ARRB1: variants seen among roughly 807,000 people sequenced by gnomAD.
The protein encoded by ARRB1 is beta-arrestin-1.
A neutral mutation model predicts 56.8 loss-of-function variants in ARRB1; 21 were observed. The observed-to-expected ratio is 0.37, with a 90% CI of 0.26 to 0.53. The LOEUF (loss-of-function observed/expected upper bound fraction) is 0.53. Ranked by LOEUF, ARRB1 falls within the 20% of genes least tolerant of loss-of-function variation. The pLI is 0.88. For missense variants in ARRB1, 424 were observed against 553.7 expected (o/e 0.77, Z 2.35); for synonymous variants, 210 against 218.6 (o/e 0.96, Z 0.35).
Position 75,304,919 on chromosome 11 carries a change from A to C in ARRB1, c.21-14880T>G, listed in dbSNP as rs574333708. Among the ~76,000 whole-genome samples, 6 of 152,066 alleles carry C rather than the reference A, an allele frequency of 3.9e-5. No individual in the cohort carries two copies. In the East Asian group the frequency reaches 1.2e-3, roughly 29 times the overall value. On this transcript the variant is annotated intron_variant, in intron 1 of 15. Coordinates refer to ENST00000420843, the MANE Select transcript of ARRB1 (RefSeq NM_004041.5). Reference sequence around the variant, plus strand: ...AAGAGAGAGGAAAAAAAAAAGTTTAAAAAAAAGAAAAATAGAAATCCTAAT... The same window carrying C: ...AAGAGAGAGGAAAAAAAAAAGTTTACAAAAAAGAAAAATAGAAATCCTAAT...
intron 1 of ARRB1, among the ~76,000 whole-genome samples, chr11:75,341,484 C>T (rs1947692980): frequency 6.6e-6 from 1 of 152,092 alleles, no homozygotes; most frequent in Non-Finnish European, 1.5e-5. Flanking sequence ...CCACAGAAAC[C>T]CCATTAATAT....
chr11:75,289,957 T>C (rs1313719008), intron 2 of ARRB1, 52 bp downstream of exon 2: 31 of 1,613,294 alleles, frequency 1.9e-5, no homozygotes, highest in African/African-American at 2.7e-5. Context: ...CAAGAGAAAA[T>C]GACCAGAGTG....
chr11:75,282,181 A>G, intron 5 of ARRB1, 160 bp from the exon 6 acceptor site: 1 of 637,512 alleles, frequency 1.6e-6, no homozygotes, highest in Non-Finnish European at 2.7e-6. Flanking sequence ...CCCATCTAAA[A>G]CTCTTTAGAT....
At chr11:75,338,834 G>T (rs372665208) in intron 1 of ARRB1, among the ~76,000 whole-genome samples, 1 of 152,110 alleles carries the variant, frequency 6.6e-6, no homozygotes, top group Non-Finnish European at 1.5e-5. Flanking sequence ...GTTTTAAAAC[G>T]TCTGTAGGTT....
At position 75,289,104 on chromosome 11, in the gene ARRB1, G is replaced by A. The variant is rs140347328; in HGVS notation, c.51+905C>T. On this transcript the variant is annotated intron_variant, in intron 2 of 15. Transcript: ENST00000420843. Reference sequence around the variant, plus strand: ...GCAGGGAAGGGCAATGGTGACTGATGTTATCTACTGTGGACACAGAAGAGA... The same window carrying A: ...GCAGGGAAGGGCAATGGTGACTGATATTATCTACTGTGGACACAGAAGAGA... 1.6e-3 allele frequency among the ~76,000 whole-genome samples: 239 copies of A among 152,288 alleles called. 2 individuals are homozygous for A. The highest frequency in any genetic ancestry group is 5.6e-3 in the African/African-American group (232 of 41,564).
chr11:75,282,167 A>C, intron 5 of ARRB1, 146 bp from the exon 6 acceptor site: 1 of 731,464 alleles, frequency 1.4e-6, no homozygotes, highest in South Asian at 1.9e-5. Flanking sequence ...ATGCCAAGCC[A>C]TGCCCCATCT....
At chr11:75,302,761 A>T (rs1946934375) in intron 1 of ARRB1, among the ~76,000 whole-genome samples, 1 of 152,146 alleles carries the variant, frequency 6.6e-6, no homozygotes, top group African/African-American at 2.4e-5. Flanking sequence ...AGGGAAGCTG[A>T]CATTGTGCTA....
At chr11:75,340,727 T>C (rs1271420624) in intron 1 of ARRB1, among the ~76,000 whole-genome samples, 1 of 152,164 alleles carries the variant, frequency 6.6e-6, no homozygotes, top group East Asian at 1.9e-4. Flanking sequence ...GCTGGCTCCC[T>C]TGGCAGAAAG....
At chr11:75,330,023 T>C (rs1422444034) in intron 1 of ARRB1, among the ~76,000 whole-genome samples, 1 of 151,198 alleles carries the variant, frequency 6.6e-6, no homozygotes, top group Non-Finnish European at 1.5e-5. Flanking sequence ...AAGTCACTAC[T>C]GCCTCTCAGA....
At chr11:75,315,061 C>T (rs1947242472) in intron 1 of ARRB1, among the ~76,000 whole-genome samples, 2 of 152,302 alleles carry the variant, frequency 1.3e-5, no homozygotes, top group Non-Finnish European at 1.5e-5. Flanking sequence ...TCCACCACCA[C>T]CACCACCACC....
At chr11:75,271,821 G>C (rs1056847726) in intron 12 of ARRB1, 97 bp from the exon 13 acceptor site, 3 of 1,352,458 alleles carry the variant, frequency 2.2e-6, no homozygotes, top group Non-Finnish European at 3.0e-6. Context: ...GCTGTCCCCC[G>C]GATAGAGAAG....
chr11:75,323,239 C>T lies in ARRB1; in HGVS notation c.20+28349G>A, dbSNP rs937846687. ...GACCTACAGAAACCACAGTCCATAA[C>T]AAAATGAATGTTGTTGTTTTGAGCC... On this transcript the variant is annotated intron_variant, in intron 1 of 15. Coordinates refer to ENST00000420843, the MANE Select transcript of ARRB1 (RefSeq NM_004041.5). Among the ~76,000 whole-genome samples, 5 of 152,346 alleles carry T rather than the reference C, an allele frequency of 3.3e-5. No homozygotes were observed. The South Asian group carries it at 6.2e-4, about 19-fold the overall frequency.
chr11:75,279,834 A>G (rs929945813), intron 7 of ARRB1, among the ~76,000 whole-genome samples: 1 of 151,932 alleles, frequency 6.6e-6, no homozygotes, highest in African/African-American at 2.4e-5. Context: ...CACCTGCCTA[A>G]TTTTTGTATT....
intron 1 of ARRB1, among the ~76,000 whole-genome samples, chr11:75,350,904 C>T (rs1301893897): frequency 3.3e-5 from 5 of 152,072 alleles, no homozygotes; most frequent in African/African-American, 1.2e-4. Flanking sequence ...TGTGGGGTGC[C>T]AGTCTTTGAG....
At chr11:75,349,311 TG>T (rs972375775) in intron 1 of ARRB1, among the ~76,000 whole-genome samples, 69 of 152,234 alleles carry the variant, frequency 4.5e-4, no homozygotes, top group African/African-American at 1.5e-3. Flanking sequence ...AGCCCTAAAA[TG>T]TAAGTATTGA....
At position 75,277,453 on chromosome 11, in the gene ARRB1, G is replaced by A; in HGVS notation, c.619-5C>T. The stretch of plus-strand genomic sequence containing the variant: ...GGGTTCTCCATGGTAATAGATCTGG[G>A]GGGCATAAGAAGGGACGGGGTTGGC... On this transcript the variant is annotated splice_region_variant and splice_polypyrimidine_tract_variant and intron_variant, in intron 8 of 15. Coordinates refer to ENST00000420843, the MANE Select transcript of ARRB1 (RefSeq NM_004041.5). The A allele has an allele frequency of 6.2e-7, 1 of 1,613,976 alleles. No homozygotes were observed. Among genetic ancestry groups the A allele is most frequent in the Non-Finnish European group, 8.5e-7 (1 of 1,179,836 alleles).
At chr11:75,325,470 T>C (rs1000270445) in intron 1 of ARRB1, among the ~76,000 whole-genome samples, 1 of 152,142 alleles carries the variant, frequency 6.6e-6, no homozygotes. Flanking sequence ...TACAGGCATG[T>C]ACCACCACAT....
intron 14 of ARRB1, among the ~76,000 whole-genome samples, chr11:75,268,508 AC>A: frequency 2.2e-5 from 3 of 135,804 alleles, no homozygotes; most frequent in Admixed American, 1.5e-4. Flanking sequence ...GTGTCTCAAA[AC>A]CAAAAAAAAA....
chr11:75,299,442 T>G (rs1159998819), intron 1 of ARRB1, among the ~76,000 whole-genome samples: 2 of 148,512 alleles, frequency 1.3e-5, no homozygotes, highest in Non-Finnish European at 3.0e-5. Flanking sequence ...GAAAGGAGAA[T>G]CTAGGAAAAA....
Sources: allele counts gnomAD v4.1 joint callset (sites outside exome capture counted in the v4.1 genomes callset), GRCh38; gene constraint gnomAD v4.1.1; transcripts MANE v1.5; gene names NCBI Gene and HGNC (gene_info 2026-07-23, HGNC 2026-07-21).